TMEM170A: variants seen among roughly 807,000 people sequenced by gnomAD.
TMEM170A encodes transmembrane protein 170.
A neutral mutation model predicts 12.8 loss-of-function variants in TMEM170A; 18 were observed. The observed-to-expected ratio is 1.41, with a 90% confidence interval of 0.97 to 2.09. The LOEUF (loss-of-function observed/expected upper bound fraction) is 2.09, where lower values mean the gene tolerates loss of function less well. Among genes scored for constraint, TMEM170A ranks in the 30% most tolerant of loss-of-function variants. The pLI, the probability that TMEM170A is intolerant of heterozygous loss-of-function variation, is 0.00. For missense variants in TMEM170A, 220 were observed against 179.9 expected (o/e 1.22, Z -1.28); for synonymous variants, 107 against 76.2 (o/e 1.40, Z -2.11).
chr16:75,464,606 C>G lies in TMEM170A; in HGVS notation c.-6G>C. Reference sequence around the variant, plus strand: ...CCGCTCCCCTCGCGCTCCATCCCGTCGCCATTCACCACAGAGAAATGAGGG... The same window carrying G: ...CCGCTCCCCTCGCGCTCCATCCCGTGGCCATTCACCACAGAGAAATGAGGG... On this transcript the variant is annotated 5_prime_UTR_variant, in exon 1 of 3. Transcript: ENST00000561878. 3 of 1,582,486 alleles carry G rather than the reference C, an allele frequency of 1.9e-6. No homozygotes were observed. Among genetic ancestry groups the G allele is most frequent in the Non-Finnish European group, 2.6e-6 (3 of 1,167,398 alleles).
intron 2 of TMEM170A, 85 bp from the exon 3 acceptor site, chr16:75,447,773 G>T: frequency 7.1e-7 from 1 of 1,399,280 alleles, no homozygotes; most frequent in Non-Finnish European, 9.7e-7. Context: ...AAATACTACT[G>T]CGAGTAGAAT....
rs2079540626 is a variant in TMEM170A at position 75,443,891 on chromosome 16, C to T, written c.*3667G>A. 1 of 152,080 alleles carries T rather than the reference C, an allele frequency of 6.6e-6. No individual in the cohort carries two copies. The highest frequency in any genetic ancestry group is 1.5e-5 in the Non-Finnish European group (1 of 68,040). The allele number at this position is 152,080 out of a possible 1,614,324, so 9.4% of individuals were successfully genotyped here. A position where few individuals can be genotyped will look rare whatever the true frequency, so the allele number is the denominator to read the frequency against. ...ATCACTTGAAGTCAGGAGTTTGAGA[C>T]CAGCCTGTCCAACATAATCAAACCC... On this transcript the variant is annotated 3_prime_UTR_variant, in exon 3 of 3. Transcript: ENST00000561878.
intron 2 of TMEM170A, 179 bp downstream of exon 2, chr16:75,451,490 A>AGTGAGCCAATATT: frequency 4.6e-6 from 3 of 648,090 alleles, no homozygotes; most frequent in Non-Finnish European, 8.1e-6. Flanking sequence ...TGGAGGCTGC[A>AGTGAGCCAATATT]GTGAGCCAAT....
At chr16:75,464,137 G>T in intron 1 of TMEM170A, 2 of 1,317,570 alleles carry the variant, frequency 1.5e-6, no homozygotes, top group Non-Finnish European at 2.1e-6. Flanking sequence ...AGCCTCCCGG[G>T]CTCGTGGGGT....
At chr16:75,449,470 A>ACACCTGG (rs1371008175) in intron 2 of TMEM170A, among the ~76,000 whole-genome samples, 5 of 151,952 alleles carry the variant, frequency 3.3e-5, no homozygotes, top group Admixed American at 6.6e-5. Context: ...ACACGCCACC[A>ACACCTGG]CACCTGGCTA....
Position 75,455,711 on chromosome 16 carries a change from C to CCGAGAAT in TMEM170A, c.134-3879_134-3873dup, listed in dbSNP as rs1458722022. Among the ~76,000 whole-genome samples, 11 of 152,038 alleles carry CCGAGAAT rather than the reference C, an allele frequency of 7.2e-5. No individual in the cohort carries two copies. In the East Asian group the frequency reaches 2.1e-3, roughly 29 times the overall value. On this transcript the variant is annotated intron_variant, in intron 1 of 2. Coordinates refer to ENST00000561878, the MANE Select transcript of TMEM170A (RefSeq NM_145254.3). ...TCCCAGCTACTCAGGAGGCTGAAGCCCGAGAATCGCTTGAACCCAGGAGGC... is the reference window on the plus strand; with the variant it reads ...TCCCAGCTACTCAGGAGGCTGAAGCCCGAGAATCGAGAATCGCTTGAACCCAGGAGGC...
intron 2 of TMEM170A, 133 bp downstream of exon 2, chr16:75,451,536 G>A: frequency 1.1e-6 from 1 of 920,508 alleles, no homozygotes; most frequent in Non-Finnish European, 1.7e-6. Flanking sequence ...GGTGACATAG[G>A]GAGACCCTGT....
chr16:75,459,548 TG>T (rs1567703797), intron 1 of TMEM170A, among the ~76,000 whole-genome samples: 1 of 152,164 alleles, frequency 6.6e-6, no homozygotes, highest in Non-Finnish European at 1.5e-5. Context: ...TGAGTCCTCC[TG>T]GGGATTAACA....
rs117592450 is a variant in TMEM170A at position 75,460,517 on chromosome 16, T to G, written c.133+3951A>C. ...GCTCCCTGGCCTAGAACACATGCTC[T>G]TCCCCAAGTAGCTGTTGGCTCATTA... is the stretch of plus-strand genomic sequence containing the variant. On this transcript the variant is annotated intron_variant, in intron 1 of 2. Transcript: ENST00000561878. Among the ~76,000 whole-genome samples the G allele has an allele frequency of 1.5e-3, 231 of 152,296 alleles. 2 individuals are homozygous for G. The highest frequency in any genetic ancestry group is 5.6e-4 in the Non-Finnish European group (38 of 68,018).
intron 1 of TMEM170A, among the ~76,000 whole-genome samples, chr16:75,461,840 C>G (rs1170110189): frequency 6.6e-6 from 1 of 152,168 alleles, no homozygotes; most frequent in Non-Finnish European, 1.5e-5. Flanking sequence ...ATCATAAACT[C>G]AAGAACATAC....
intron 2 of TMEM170A, among the ~76,000 whole-genome samples, chr16:75,449,734 T>C (rs2079649491): frequency 6.6e-6 from 1 of 152,208 alleles, no homozygotes; most frequent in Admixed American, 6.5e-5. Flanking sequence ...CCAGCTCCAC[T>C]GGCAATGCGT....
rs989519193 is a variant in TMEM170A at position 75,452,174 on chromosome 16, T to C, written c.134-335A>G. On this transcript the variant is annotated intron_variant, in intron 1 of 2. Transcript: ENST00000561878. ...TTTTAGTAGAGACGGGGTTTCACCATGTTAACCAGGATGGTCTCGATCTCC... is the reference window on the plus strand; with the variant it reads ...TTTTAGTAGAGACGGGGTTTCACCACGTTAACCAGGATGGTCTCGATCTCC... Among the ~76,000 whole-genome samples the C allele has an allele frequency of 2.1e-4, 32 of 151,970 alleles. 1 individual carries two copies. The highest frequency in any genetic ancestry group is 4.3e-4 in the Non-Finnish European group (29 of 67,996).
intron 1 of TMEM170A, chr16:75,464,162 G>A: frequency 9.0e-6 from 13 of 1,444,044 alleles, no homozygotes; most frequent in South Asian, 8.7e-5. Flanking sequence ...CTCTGAACCT[G>A]AGGCGCTCGG....
At chr16:75,451,915 C>T in intron 1 of TMEM170A, 76 bp from the exon 2 acceptor site, 1 of 1,254,354 alleles carries the variant, frequency 8.0e-7, no homozygotes. Flanking sequence ...ACTCATCATA[C>T]CCGTCATTTC....
intron 1 of TMEM170A, among the ~76,000 whole-genome samples, chr16:75,463,899 T>A (rs1258679976): frequency 6.6e-6 from 1 of 152,096 alleles, no homozygotes; most frequent in African/African-American, 2.4e-5. Context: ...CAGCAACAGG[T>A]GGCACCAGGT....
chr16:75,450,853 G>T (rs971104497), intron 2 of TMEM170A, among the ~76,000 whole-genome samples: 2 of 152,020 alleles, frequency 1.3e-5, no homozygotes, highest in African/African-American at 4.8e-5. Context: ...GTAGAGATGG[G>T]GTCTTGCTAT....
chr16:75,464,047 C>G (rs921811390), intron 1 of TMEM170A, among the ~76,000 whole-genome samples: 1 of 152,218 alleles, frequency 6.6e-6, no homozygotes, highest in Non-Finnish European at 1.5e-5. Flanking sequence ...AGCTCTGACT[C>G]CTCAGCGCGG....
rs1160331763 is a variant in TMEM170A, at chr16:75,447,020, T to A, written c.*538A>T. ...GCCACTACTTGAGTTATACTTAAATTTTTTTTCCTGCTTTATTTCACCAAA... is the reference window on the plus strand; with the variant it reads ...GCCACTACTTGAGTTATACTTAAATATTTTTTCCTGCTTTATTTCACCAAA... On this transcript the variant is annotated 3_prime_UTR_variant, in exon 3 of 3. Coordinates refer to ENST00000561878, the MANE Select transcript of TMEM170A (RefSeq NM_145254.3). 6.6e-6 allele frequency: 1 copy of A among 152,212 alleles called. No homozygotes were observed. The highest frequency in any genetic ancestry group is 2.4e-5 in the African/African-American group (1 of 41,470). The allele number at this position is 152,212 out of a possible 1,614,324, so 9.4% of individuals were successfully genotyped here.
At position 75,450,265 on chromosome 16, in the gene TMEM170A, A is replaced by G. The variant is rs758896286; in HGVS notation, c.304+1404T>C. 3.3e-5 allele frequency among the ~76,000 whole-genome samples: 5 copies of G among 152,054 alleles called. No homozygotes were observed. In the South Asian group the frequency reaches 1.0e-3, roughly 32 times the overall value. On this transcript the variant is annotated intron_variant, in intron 2 of 2. Coordinates refer to ENST00000561878, the MANE Select transcript of TMEM170A (RefSeq NM_145254.3). ...CTAAGGTTTCAATTCACAGTGAAAAAAAGTTACAAATCAGTAGGAATATTA... is the reference window on the plus strand; with the variant it reads ...CTAAGGTTTCAATTCACAGTGAAAAGAAGTTACAAATCAGTAGGAATATTA...
Sources: allele counts gnomAD v4.1 joint callset (sites outside exome capture counted in the v4.1 genomes callset), GRCh38; gene constraint gnomAD v4.1.1; transcripts MANE v1.5; gene names NCBI Gene and HGNC (gene_info 2026-07-23, HGNC 2026-07-21).